Variants in PLB1 observed in about 807,000 individuals in gnomAD.
PLB1 encodes phospholipase B1.
A neutral mutation model predicts 227.4 loss-of-function variants in PLB1; 242 were observed. That is an observed-to-expected ratio of 1.06 (90% CI 0.96 to 1.18). The LOEUF is 1.18. PLB1 is among the 50% of genes most tolerant of loss of function. The probability of loss-of-function intolerance (pLI) is 0.00; values close to 1 mark genes in which losing one functional copy is unlikely to be tolerated. For missense variants in PLB1, 1,858 were observed against 1,816.3 expected, an observed-to-expected ratio of 1.02 and a Z score of -0.42; for synonymous variants, 757 against 682.2, an observed-to-expected ratio of 1.11 and a Z score of -1.71.
chr2:28,552,565 G>A (rs953669982), intron 16 of PLB1, among the ~76,000 whole-genome samples: 3 of 152,244 alleles, frequency 2.0e-5, no homozygotes, highest in African/African-American at 7.2e-5. Flanking sequence ...AACTTGGGCA[G>A]AGGAGTGACA....
chr2:28,626,216 G>A (rs992569836), intron 50 of PLB1, among the ~76,000 whole-genome samples: 2 of 151,838 alleles, frequency 1.3e-5, no homozygotes, highest in East Asian at 1.9e-4. Context: ...GGCTGGTCTC[G>A]AACTCCTGAC....
At chr2:28,585,598 T>C in intron 25 of PLB1, 163 bp from the exon 26 acceptor site, 1 of 613,292 alleles carries the variant, frequency 1.6e-6, no homozygotes, top group Non-Finnish European at 2.9e-6. Flanking sequence ...TTTAGCTTCG[T>C]TTGGTATGGT....
chr2:28,557,133 A>G (rs1484832093), intron 17 of PLB1, among the ~76,000 whole-genome samples: 2 of 152,128 alleles, frequency 1.3e-5, no homozygotes, highest in Admixed American at 6.5e-5. Context: ...CCTGGACACA[A>G]CCAGGCTACT....
chr2:28,505,607 G>A (rs1558631539), intron 1 of PLB1, among the ~76,000 whole-genome samples: 1 of 152,156 alleles, frequency 6.6e-6, no homozygotes, highest in Non-Finnish European at 1.5e-5. Context: ...TGAACTCATT[G>A]AGTGAGAAAA....
intron 57 of PLB1, 143 bp downstream of exon 57, chr2:28,641,144 C>A: frequency 1.3e-6 from 1 of 758,900 alleles, no homozygotes; most frequent in Non-Finnish European, 2.1e-6. Flanking sequence ...TCCCACCTGT[C>A]CCCAGTGCCA....
At chr2:28,540,530 G>A (rs753506890) in intron 12 of PLB1, 89 bp downstream of exon 12, 20 of 1,065,556 alleles carry the variant, frequency 1.9e-5, no homozygotes, top group Non-Finnish European at 2.7e-5. Flanking sequence ...AATTAGTTGA[G>A]TTTGCTAATG....
At chr2:28,503,332 AT>A (rs1213965582) in intron 1 of PLB1, among the ~76,000 whole-genome samples, 1 of 151,472 alleles carries the variant, frequency 6.6e-6, no homozygotes, top group African/African-American at 2.4e-5. Flanking sequence ...AAAAAAAAAA[AT>A]TTGTAGGGAG....
At chr2:28,517,093 TCCCAGAAGTG>T (rs1668945618) in intron 2 of PLB1, among the ~76,000 whole-genome samples, 1 of 152,178 alleles carries the variant, frequency 6.6e-6, no homozygotes, top group Non-Finnish European at 1.5e-5. Context: ...AATGGGCGGT[TCCCAGAAGTG>T]TCCAGAAGGA....
At chr2:28,630,978 C>T (rs1288295908) in intron 54 of PLB1, among the ~76,000 whole-genome samples, 1 of 151,946 alleles carries the variant, frequency 6.6e-6, no homozygotes, top group Non-Finnish European at 1.5e-5. Flanking sequence ...TCACTTCCTC[C>T]CCTCCCTTCA....
intron 35 of PLB1, among the ~76,000 whole-genome samples, chr2:28,600,426 G>A (rs1412095972): frequency 3.3e-5 from 5 of 152,220 alleles, no homozygotes; most frequent in Non-Finnish European, 7.3e-5. Flanking sequence ...CAGCCAGAGT[G>A]AAAAGAGGAA....
intron 1 of PLB1, among the ~76,000 whole-genome samples, chr2:28,506,012 C>T (rs1667602296): frequency 6.6e-6 from 1 of 152,222 alleles, no homozygotes; most frequent in Admixed American, 6.5e-5. Flanking sequence ...AGAAGTTCTA[C>T]TTTCCTGGGA....
chr2:28,547,869 C>T (rs954580359), intron 14 of PLB1, among the ~76,000 whole-genome samples: 5 of 152,076 alleles, frequency 3.3e-5, no homozygotes, highest in Non-Finnish European at 5.9e-5. Flanking sequence ...AAAAATCCCT[C>T]CTTCCCTCTA....
At position 28,556,097 on chromosome 2, in the gene PLB1, A is replaced by T. The variant is rs374008970; in HGVS notation, c.1147+3106A>T. 9.9e-5 allele frequency among the ~76,000 whole-genome samples: 15 copies of T among 152,266 alleles called. 1 individual carries two copies. Among genetic ancestry groups the T allele is most frequent in the African/African-American group, 3.4e-4 (14 of 41,568 alleles). On this transcript the variant is annotated intron_variant, in intron 17 of 57. Coordinates refer to ENST00000327757, the MANE Select transcript of PLB1 (RefSeq NM_153021.5). ...GGGCTGGCCTTGAACTCCTGGGCTC[A>T]AATGATCCTCCTACCTCAGCCTCCC... is the stretch of plus-strand genomic sequence containing the variant.
At chr2:28,632,851 G>T in intron 55 of PLB1, 93 bp from the exon 56 acceptor site, 1 of 813,976 alleles carries the variant, frequency 1.2e-6, no homozygotes, top group African/African-American at 2.0e-5. Flanking sequence ...AGAATGAAAG[G>T]AGACATGCCC....
chr2:28,523,051 T>C (rs1669734885), intron 4 of PLB1, among the ~76,000 whole-genome samples: 1 of 152,214 alleles, frequency 6.6e-6, no homozygotes, highest in East Asian at 1.9e-4. Flanking sequence ...CATTTGTTAA[T>C]TGCTATAGAC....
chr2:28,569,519 G>T (rs746925744), intron 20 of PLB1, among the ~76,000 whole-genome samples: 1 of 152,096 alleles, frequency 6.6e-6, no homozygotes, highest in Non-Finnish European at 1.5e-5. Flanking sequence ...TGAAAATCAA[G>T]AATGAAAGAG....
rs896763039 is a variant in PLB1, at chr2:28,590,010, G to A, written c.2022G>A (p.Glu674=). Residue 674 remains glutamate, a synonymous_variant, in exon 29 of 58, where the codon GAG becomes GAA. Transcript: ENST00000327757. Reference sequence around the variant, plus strand: ...CTCCCTGCTTCTTTGTTTAGCTGGAGCCTGTTGGCCAGAAGACGACTCGTC... The same window carrying A: ...CTCCCTGCTTCTTTGTTTAGCTGGAACCTGTTGGCCAGAAGACGACTCGTC... ...AASALWNNML[E]PVGQKTTRHK... 6.2e-7 allele frequency: 1 copy of A among 1,613,304 alleles called. No individual in the cohort carries two copies. Among genetic ancestry groups the A allele is most frequent in the African/African-American group, 1.3e-5 (1 of 74,854 alleles).
At chr2:28,496,403 G>A (rs1339422665) in intron 1 of PLB1, among the ~76,000 whole-genome samples, 5 of 152,160 alleles carry the variant, frequency 3.3e-5, no homozygotes, top group Non-Finnish European at 5.9e-5. Context: ...CTTGGGACAG[G>A]AGAGAAGTGC....
At chr2:28,548,453 C>A in intron 14 of PLB1, 1 of 428,964 alleles carries the variant, frequency 2.3e-6, no homozygotes, top group Non-Finnish European at 4.9e-6. Context: ...GCTGTGTGAC[C>A]CATTGCTAGA....
Sources: gnomAD v4.1 joint callset for allele counts (sites outside exome capture counted in the v4.1 genomes callset) on GRCh38, gnomAD v4.1.1 for gene constraint, MANE v1.5 for transcripts, NCBI Gene and HGNC (gene_info 2026-07-23, HGNC 2026-07-21) for gene names.